The following GALNT13 variants were observed in gnomAD, a reference collection of about 807,000 sequenced individuals.
GALNT13 encodes UDP-GalNAc:polypeptide N-acetylgalactosaminyltransferase 13.
GALNT13 carries 28 observed loss-of-function variants against 64.2 expected under a neutral mutation model. That is an observed-to-expected ratio of 0.44 (90% CI 0.32 to 0.60). GALNT13 has a LOEUF of 0.60. Ranked by LOEUF, GALNT13 falls within the 20% of genes least tolerant of loss-of-function variation. The pLI, the probability that GALNT13 is intolerant of heterozygous loss-of-function variation, is 0.05. For missense variants in GALNT13, 577 were observed against 669.8 expected (o/e 0.86, Z 1.53); for synonymous variants, 214 against 224.6 (o/e 0.95, Z 0.42).
chr2:154,260,338 TA>T (rs2105903670), intron 8 of GALNT13, among the ~76,000 whole-genome samples: 1 of 152,328 alleles, frequency 6.6e-6, no homozygotes, highest in South Asian at 2.1e-4. Flanking sequence ...TATCATAATA[TA>T]AATACGTGTG....
intron 8 of GALNT13, among the ~76,000 whole-genome samples, chr2:154,291,626 A>C (rs936797602): frequency 6.6e-6 from 1 of 151,944 alleles, no homozygotes; most frequent in Non-Finnish European, 1.5e-5. Context: ...CCCACCCAGA[A>C]CCCGGCCGGC....
chr2:154,301,516 C>T lies in GALNT13; in HGVS notation c.1083C>T (p.Ile361=). 1 of 1,613,418 alleles carries T rather than the reference C, an allele frequency of 6.2e-7. No individual in the cohort carries two copies. The highest frequency in any genetic ancestry group is 8.5e-7 in the Non-Finnish European group (1 of 1,179,472). The change falls in exon 9 of 13, where the codon ATC becomes ATT. Residue 361 remains isoleucine, a synonymous_variant. Transcript: ENST00000392825. ...TTCCTGGTGGCACTGGTCATGTCAT[C>T]AACAAGAACAACAGGAGACTGGCAG... ...YTFPGGTGHV[I]NKNNRRLAEV... is the part of the protein sequence containing the mutation.
At chr2:154,245,118 A>AATAAATAG (rs1689709562) in intron 6 of GALNT13, among the ~76,000 whole-genome samples, 1 of 150,604 alleles carries the variant, frequency 6.6e-6, no homozygotes, top group East Asian at 2.0e-4. Flanking sequence ...TAAATAAATA[A>AATAAATAG]ATAAATAAAT....
intron 4 of GALNT13, among the ~76,000 whole-genome samples, chr2:154,158,612 A>T (rs1435446578): frequency 6.6e-6 from 1 of 152,144 alleles, no homozygotes. Context: ...TTTTGTGCTT[A>T]TTTCTCTCAC....
At chr2:153,751,399 A>T in the GALNT13 span, among the ~76,000 whole-genome samples, 4 of 151,088 alleles carry the variant, frequency 2.6e-5, no homozygotes, top group Non-Finnish European at 5.9e-5. Flanking sequence ...TTCTGTTTGG[A>T]AGATCTATCC....
At chr2:153,578,267 G>C in the GALNT13 span, among the ~76,000 whole-genome samples, 1 of 151,890 alleles carries the variant, frequency 6.6e-6, no homozygotes, top group East Asian at 1.9e-4. Context: ...TTTTATCTTA[G>C]GCAAAATAGC....
At chr2:153,489,910 G>A in the GALNT13 span, among the ~76,000 whole-genome samples, 4 of 151,936 alleles carry the variant, frequency 2.6e-5, no homozygotes, top group African/African-American at 7.3e-5. Context: ...TTAGAGCCCA[G>A]GAGTTTGAAG....
At chr2:153,764,048 T>C in the GALNT13 span, among the ~76,000 whole-genome samples, 1 of 152,198 alleles carries the variant, frequency 6.6e-6, no homozygotes, top group Admixed American at 6.5e-5. Flanking sequence ...GATAGTGATA[T>C]GGACAATGAA....
At chr2:154,126,768 C>A (rs2105533096) in intron 3 of GALNT13, among the ~76,000 whole-genome samples, 1 of 152,042 alleles carries the variant, frequency 6.6e-6, no homozygotes, top group South Asian at 2.1e-4. Flanking sequence ...TTGAAGAATG[C>A]AAGGTAATGT....
chr2:153,084,864 AGATACCCAG>A, the GALNT13 span, among the ~76,000 whole-genome samples: 1 of 152,218 alleles, frequency 6.6e-6, no homozygotes, highest in Non-Finnish European at 1.5e-5. Context: ...GCTGCTGTAA[AGATACCCAG>A]AAATGGGGAA....
chr2:153,338,696 C>G, the GALNT13 span, among the ~76,000 whole-genome samples: 1 of 152,144 alleles, frequency 6.6e-6, no homozygotes, highest in Non-Finnish European at 1.5e-5. Flanking sequence ...ACTACAGTCA[C>G]CACAATGTAC....
At chr2:154,080,156 C>A (rs892749645) in intron 3 of GALNT13, among the ~76,000 whole-genome samples, 2 of 151,532 alleles carry the variant, frequency 1.3e-5, no homozygotes, top group Non-Finnish European at 3.0e-5. Context: ...GGAATGTGTA[C>A]TGTGGGAACC....
intron 8 of GALNT13, among the ~76,000 whole-genome samples, chr2:154,279,046 G>A (rs1250636438): frequency 6.6e-6 from 1 of 152,102 alleles, no homozygotes; most frequent in African/African-American, 2.4e-5. Flanking sequence ...TAATTGATGA[G>A]ATAAATACCT....
chr2:153,086,802 G>A, the GALNT13 span, among the ~76,000 whole-genome samples: 1 of 151,854 alleles, frequency 6.6e-6, no homozygotes, highest in Non-Finnish European at 1.5e-5. Context: ...TTGGTGTATA[G>A]CAGTGCTGCT....
At chr2:153,837,502 A>C in the GALNT13 span, among the ~76,000 whole-genome samples, 6 of 152,046 alleles carry the variant, frequency 3.9e-5, no homozygotes, top group African/African-American at 1.2e-4. Context: ...GAGATTATGC[A>C]GTATTTGCCT....
At chr2:154,394,912 A>G (rs1159899798) in intron 9 of GALNT13, among the ~76,000 whole-genome samples, 1 of 152,344 alleles carries the variant, frequency 6.6e-6, no homozygotes. Flanking sequence ...TGAAGAGACA[A>G]GAAGGTCGGA....
chr2:153,414,389 A>AT, the GALNT13 span, among the ~76,000 whole-genome samples: 1 of 151,728 alleles, frequency 6.6e-6, no homozygotes, highest in African/African-American at 2.4e-5. Context: ...ATAAAAATAA[A>AT]AAAAAAATAA....
the GALNT13 span, among the ~76,000 whole-genome samples, chr2:153,742,834 C>A: frequency 6.6e-6 from 1 of 151,846 alleles, no homozygotes; most frequent in Non-Finnish European, 1.5e-5. Flanking sequence ...TGAACACTTA[C>A]ATTGATTTCA....
the GALNT13 span, among the ~76,000 whole-genome samples, chr2:153,376,068 G>A: frequency 6.6e-6 from 1 of 152,052 alleles, no homozygotes; most frequent in South Asian, 2.1e-4. Context: ...ATCTCTTCAT[G>A]AAGGATCTGT....
Sources: gnomAD v4.1 joint callset for allele counts (sites outside exome capture counted in the v4.1 genomes callset) on GRCh38, gnomAD v4.1.1 for gene constraint, MANE v1.5 for transcripts, NCBI Gene and HGNC (gene_info 2026-07-23, HGNC 2026-07-21) for gene names.